The following MARCHF7 variants were observed in gnomAD, a reference collection of about 807,000 sequenced individuals.
MARCHF7 encodes E3 ubiquitin-protein ligase MARCHF7.
In MARCHF7, 20 loss-of-function variants were observed where a neutral mutation model predicts 76.5. That is an observed-to-expected ratio of 0.26 (90% CI 0.18 to 0.38). The LOEUF (loss-of-function observed/expected upper bound fraction) is 0.38. MARCHF7 is among the 10% of genes least tolerant of loss of function. The pLI is 1.00. For synonymous variants in MARCHF7, 295 were observed against 293.0 expected (o/e 1.01, Z -0.07); for missense variants, 797 against 812.9 (o/e 0.98, Z 0.24).
At chr2:159,743,996 T>G (rs1704504701) in intron 5 of MARCHF7, among the ~76,000 whole-genome samples, 1 of 52,468 alleles carries the variant, frequency 1.9e-5, no homozygotes, top group Non-Finnish European at 3.7e-5. Flanking sequence ...TTTTTTTTTT[T>G]TTTTTTTTGG....
chr2:159,753,294 G>A (rs953358219), intron 8 of MARCHF7, among the ~76,000 whole-genome samples: 16 of 152,044 alleles, frequency 1.1e-4, no homozygotes, highest in African/African-American at 1.9e-4. Context: ...ATGAGAGGCC[G>A]GGCGCGGTGG....
intron 4 of MARCHF7, among the ~76,000 whole-genome samples, chr2:159,735,630 T>G (rs1437594910): frequency 6.6e-6 from 1 of 152,254 alleles, no homozygotes; most frequent in African/African-American, 2.4e-5. Flanking sequence ...ATTTTCAGTG[T>G]TCATCTATAT....
chr2:159,715,997 T>C (rs1318170603), intron 3 of MARCHF7, among the ~76,000 whole-genome samples: 1 of 152,186 alleles, frequency 6.6e-6, no homozygotes, highest in Non-Finnish European at 1.5e-5. Flanking sequence ...CAGTTTGCCT[T>C]TTACAGTGGT....
chr2:159,767,520 A>G lies in MARCHF7; in HGVS notation c.*178A>G. On this transcript the variant is annotated 3_prime_UTR_variant, in exon 12 of 12. Coordinates refer to ENST00000409175, the MANE Select transcript of MARCHF7 (RefSeq NM_001282805.2). ...ATTCATTCTCCAGTGTTGCTGAATT[A>G]AAATTCTGCTGGACTTTTTAACATA... 2.2e-6 allele frequency: 1 copy of G among 447,890 alleles called. No homozygotes were observed. The allele number at this position is 447,890 out of a possible 1,614,324, so 27.7% of individuals were successfully genotyped here. A position where few individuals can be genotyped will look rare whatever the true frequency, so the allele number is the denominator to read the frequency against.
chr2:159,731,497 G>A (rs573159186), intron 4 of MARCHF7, among the ~76,000 whole-genome samples: 1 of 152,298 alleles, frequency 6.6e-6, no homozygotes, highest in South Asian at 2.1e-4. Context: ...GCTCACGCCT[G>A]TAGTCCCAGC....
intron 4 of MARCHF7, among the ~76,000 whole-genome samples, chr2:159,729,680 A>AG (rs996877424): frequency 2.6e-5 from 4 of 151,972 alleles, no homozygotes; most frequent in African/African-American, 9.7e-5. Flanking sequence ...CTCAAAAAAA[A>AG]AAAAATGCTT....
At chr2:159,755,111 T>G (rs931230839) in intron 8 of MARCHF7, among the ~76,000 whole-genome samples, 1 of 152,112 alleles carries the variant, frequency 6.6e-6, no homozygotes, top group African/African-American at 2.4e-5. Context: ...CCATAGAAAT[T>G]AAAACCAGGA....
intron 8 of MARCHF7, among the ~76,000 whole-genome samples, chr2:159,753,456 A>C (rs1348037130): frequency 6.6e-6 from 1 of 151,978 alleles, no homozygotes; most frequent in Admixed American, 6.6e-5. Flanking sequence ...CTGTAGTCCC[A>C]GCTAGAATGG....
At chr2:159,732,722 G>C (rs768037629) in intron 4 of MARCHF7, 22 of 400,180 alleles carry the variant, frequency 5.5e-5, no homozygotes, top group Non-Finnish European at 7.4e-5. Context: ...TATAGAGATG[G>C]GGTCTTGCTG....
chr2:159,727,315 C>T (rs993647932), intron 3 of MARCHF7, among the ~76,000 whole-genome samples: 3 of 152,192 alleles, frequency 2.0e-5, no homozygotes, highest in Admixed American at 6.5e-5. Context: ...AGGCTGGGCA[C>T]GGTGGCTCAT....
intron 3 of MARCHF7, among the ~76,000 whole-genome samples, chr2:159,723,761 C>T (rs1353461966): frequency 6.6e-6 from 1 of 152,108 alleles, no homozygotes. Context: ...CTTTCATGAA[C>T]AGCTAAGTTT....
intron 2 of MARCHF7, 25 bp from the exon 3 acceptor site, chr2:159,715,656 A>G (rs1373969320): frequency 6.6e-6 from 1 of 152,088 alleles, no homozygotes; most frequent in Non-Finnish European, 1.5e-5. Context: ...GCTGGGGTTT[A>G]ATTTTCATTA....
rs770458578 is a variant in MARCHF7, at chr2:159,748,586, T to C, written c.1296T>C (p.Val432=). The C allele has an allele frequency of 7.4e-6, 12 of 1,614,128 alleles. No individual in the cohort carries two copies. In the East Asian group the frequency reaches 2.2e-4, roughly 30 times the overall value. Reference sequence around the variant, plus strand: ...TTAGAAGAGAATCAAATGAAGTGGTTCACCTTGAAGCACAGAATGATCCTC... The same window carrying C: ...TTAGAAGAGAATCAAATGAAGTGGTCCACCTTGAAGCACAGAATGATCCTC... ...HIFRRESNEV[V]HLEAQNDPLG... The change falls in exon 7 of 12, where the codon GTT becomes GTC. Residue 432 remains valine (V), a synonymous_variant. Transcript: ENST00000409175.
chr2:159,720,470 A>ATT (rs1218588504), intron 3 of MARCHF7, among the ~76,000 whole-genome samples: 2 of 151,970 alleles, frequency 1.3e-5, no homozygotes, highest in African/African-American at 4.8e-5. Flanking sequence ...CCTTGCCTGT[A>ATT]TTTTTCAAGC....
At position 159,743,063 on chromosome 2, in the gene MARCHF7, T is replaced by G. The variant is rs999409655; in HGVS notation, c.156T>G (p.Ser52=). 1 of 1,612,624 alleles carries G rather than the reference T, an allele frequency of 6.2e-7. No individual in the cohort carries two copies. The highest frequency in any genetic ancestry group is 1.1e-5 in the South Asian group (1 of 90,876). ...SSFRLDSEYQ[S]TSASASASPF... ...AAAAAATTTTTTTGAACTCACAGTC[T>G]ACATCAGCATCAGCATCTGCGTCAC... The change falls in exon 5 of 12, where the codon TCT becomes TCG. Residue 52 remains serine (S), a splice_region_variant and synonymous_variant. Coordinates refer to ENST00000409175, the MANE Select transcript of MARCHF7 (RefSeq NM_001282805.2).
At chr2:159,764,255 T>TGTGTTTGCGCGCGC (rs10592175) in intron 10 of MARCHF7, among the ~76,000 whole-genome samples, 1 of 131,370 alleles carries the variant, frequency 7.6e-6, no homozygotes. Flanking sequence ...TGTGTGTGTG[T>TGTGTTTGCGCGCGC]GCGCGCGCCC....
At chr2:159,732,990 C>T (rs1702998544) in intron 4 of MARCHF7, 1 of 901,450 alleles carries the variant, frequency 1.1e-6, no homozygotes, top group African/African-American at 1.8e-5. Flanking sequence ...GCACTTGGAA[C>T]AGTGCCTAGA....
At chr2:159,727,452 G>A (rs1702299147) in intron 3 of MARCHF7, among the ~76,000 whole-genome samples, 1 of 152,212 alleles carries the variant, frequency 6.6e-6, no homozygotes, top group African/African-American at 2.4e-5. Flanking sequence ...GCTGGGCGTG[G>A]TGGCGGGAGC....
intron 3 of MARCHF7, among the ~76,000 whole-genome samples, chr2:159,725,398 C>T (rs1334697818): frequency 1.3e-5 from 2 of 152,272 alleles, no homozygotes; most frequent in African/African-American, 4.8e-5. Flanking sequence ...GATGGTGTCT[C>T]GTTGTGGTTT....
Sources: gnomAD v4.1 joint callset for allele counts (sites outside exome capture counted in the v4.1 genomes callset) on GRCh38, gnomAD v4.1.1 for gene constraint, MANE v1.5 for transcripts, NCBI Gene and HGNC (gene_info 2026-07-23, HGNC 2026-07-21) for gene names.